Variants in BMP6 observed in about 807,000 individuals in gnomAD.
The protein encoded by BMP6 is VG-1-R.
BMP6 carries 17 observed loss-of-function variants against 54.1 expected under a neutral mutation model. That is an observed-to-expected ratio of 0.31 (90% confidence interval 0.22 to 0.47). The LOEUF (loss-of-function observed/expected upper bound fraction) is 0.47. Ranked by LOEUF, BMP6 falls within the 20% of genes least tolerant of loss-of-function variation. BMP6 has a pLI of 1.00. For synonymous variants in BMP6, 328 were observed against 291.2 expected (o/e 1.13, Z -1.28); for missense variants, 720 against 690.4 (o/e 1.04, Z -0.48).
intron 1 of BMP6, among the ~76,000 whole-genome samples, chr6:7,774,896 A>C (rs1475413749): frequency 6.6e-6 from 1 of 152,178 alleles, no homozygotes; most frequent in Non-Finnish European, 1.5e-5. Flanking sequence ...TGGCACCATC[A>C]TCTGTTTGGC....
At chr6:7,764,126 T>C (rs1263768099) in intron 1 of BMP6, among the ~76,000 whole-genome samples, 2 of 152,180 alleles carry the variant, frequency 1.3e-5, no homozygotes, top group African/African-American at 4.8e-5. Context: ...CGGGACCATG[T>C]GTCTCCTCCG....
chr6:7,865,822 C>G (rs981983321), intron 4 of BMP6, among the ~76,000 whole-genome samples: 4 of 152,212 alleles, frequency 2.6e-5, no homozygotes, highest in Admixed American at 2.6e-4. Flanking sequence ...GTTGATAGTT[C>G]TCCACCAAAA....
At chr6:7,751,669 G>A (rs977956898) in intron 1 of BMP6, among the ~76,000 whole-genome samples, 3 of 152,158 alleles carry the variant, frequency 2.0e-5, no homozygotes, top group Non-Finnish European at 1.5e-5. Flanking sequence ...GACCTATAAT[G>A]GCCACAGAAT....
At chr6:7,782,796 A>G (rs1369137474) in intron 1 of BMP6, among the ~76,000 whole-genome samples, 2 of 152,212 alleles carry the variant, frequency 1.3e-5, no homozygotes, top group Non-Finnish European at 2.9e-5. Context: ...CTGAGTTTGC[A>G]GAAGAAACTA....
intron 1 of BMP6, among the ~76,000 whole-genome samples, chr6:7,764,870 G>A (rs1457353677): frequency 4.6e-5 from 7 of 152,194 alleles, no homozygotes; most frequent in Admixed American, 4.6e-4. Flanking sequence ...GAGTGAGGTC[G>A]AGGAGGGATT....
chr6:7,834,419 T>A (rs969502313), intron 1 of BMP6, among the ~76,000 whole-genome samples: 1 of 151,456 alleles, frequency 6.6e-6, no homozygotes, highest in African/African-American at 2.4e-5. Flanking sequence ...GACAATAATA[T>A]AGAAATACAG....
intron 1 of BMP6, among the ~76,000 whole-genome samples, chr6:7,731,459 T>C (rs1039880587): frequency 2.0e-5 from 3 of 152,206 alleles, no homozygotes; most frequent in Non-Finnish European, 2.9e-5. Flanking sequence ...AGTTTTTCTT[T>C]TTTCTTGTTA....
intron 1 of BMP6, among the ~76,000 whole-genome samples, chr6:7,821,475 G>A (rs1434968334): frequency 1.3e-5 from 2 of 152,046 alleles, no homozygotes; most frequent in African/African-American, 2.4e-5. Context: ...ACTTGAGGCC[G>A]GGAGGGCAGC....
chr6:7,761,039 A>G (rs989007387), intron 1 of BMP6, among the ~76,000 whole-genome samples: 4 of 152,266 alleles, frequency 2.6e-5, no homozygotes, highest in African/African-American at 9.6e-5. Flanking sequence ...AACGAGGGTC[A>G]GTTTGGCCTT....
intron 1 of BMP6, among the ~76,000 whole-genome samples, chr6:7,739,173 G>T (rs1249825594): frequency 1.3e-5 from 2 of 152,146 alleles, no homozygotes; most frequent in African/African-American, 4.8e-5. Context: ...GTTTTGCGTT[G>T]TGGTGACCCT....
At chr6:7,732,078 T>A (rs1761869744) in intron 1 of BMP6, among the ~76,000 whole-genome samples, 1 of 152,210 alleles carries the variant, frequency 6.6e-6, no homozygotes, top group Non-Finnish European at 1.5e-5. Context: ...GAATACTCCC[T>A]ACTTGTATTT....
intron 1 of BMP6, among the ~76,000 whole-genome samples, chr6:7,843,961 A>G (rs1759018520): frequency 6.6e-6 from 1 of 152,244 alleles, no homozygotes; most frequent in South Asian, 2.1e-4. Context: ...ATATACTAAT[A>G]CATATACATT....
intron 1 of BMP6, among the ~76,000 whole-genome samples, chr6:7,740,915 C>T (rs576022861): frequency 6.6e-6 from 1 of 152,320 alleles, no homozygotes; most frequent in South Asian, 2.1e-4. Flanking sequence ...CTCCCTGCAT[C>T]CCTGACAGGC....
intron 1 of BMP6, among the ~76,000 whole-genome samples, chr6:7,795,087 T>G (rs1758173124): frequency 6.6e-6 from 1 of 152,200 alleles, no homozygotes; most frequent in Non-Finnish European, 1.5e-5. Context: ...GAAAGCATGT[T>G]GAACATCTCT....
intron 1 of BMP6, among the ~76,000 whole-genome samples, chr6:7,773,736 A>C (rs270386): frequency 0.71 from 108,106 of 152,072 alleles, 40,300 homozygotes; most frequent in Non-Finnish European, 0.84. Flanking sequence ...TAATTGAATC[A>C]TGTACATGGG....
intron 4 of BMP6, among the ~76,000 whole-genome samples, chr6:7,865,860 G>A (rs1289785082): frequency 6.6e-6 from 1 of 152,164 alleles, no homozygotes; most frequent in South Asian, 2.1e-4. Flanking sequence ...AGCCCACCAG[G>A]GATCGTCCTA....
chr6:7,806,971 A>T (rs190492129), intron 1 of BMP6, among the ~76,000 whole-genome samples: 1 of 152,200 alleles, frequency 6.6e-6, no homozygotes, highest in Non-Finnish European at 1.5e-5. Context: ...AGTTGTCCCT[A>T]GTTTTAATAA....
chr6:7,816,611 A>G (rs1260570616), intron 1 of BMP6, among the ~76,000 whole-genome samples: 1 of 152,210 alleles, frequency 6.6e-6, no homozygotes, highest in Non-Finnish European at 1.5e-5. Context: ...TTAAAGCCCC[A>G]TCCATAATTG....
intron 1 of BMP6, among the ~76,000 whole-genome samples, chr6:7,771,681 A>G (rs1225461700): frequency 1.4e-5 from 1 of 74,050 alleles, no homozygotes. Flanking sequence ...CAGGGCATGG[A>G]GGGGTGTTAC....
Sources: gnomAD v4.1 joint callset for allele counts (sites outside exome capture counted in the v4.1 genomes callset) on GRCh38, gnomAD v4.1.1 for gene constraint, MANE v1.5 for transcripts, NCBI Gene and HGNC (gene_info 2026-07-23, HGNC 2026-07-21) for gene names.